Variants in NOL4 observed in about 807,000 individuals in gnomAD.
NOL4 encodes cancer/testis antigen 125.
Under a neutral mutation model 75.9 loss-of-function variants are expected in NOL4, and 17 were observed. That is an observed-to-expected ratio of 0.22 (90% CI 0.15 to 0.34). The LOEUF (loss-of-function observed/expected upper bound fraction) is 0.34, where lower values mean the gene tolerates loss of function less well. Among genes scored for constraint, NOL4 ranks in the 10% least tolerant of loss-of-function variants. The pLI is 1.00. For missense variants in NOL4, 614 were observed against 793.5 expected, an observed-to-expected ratio of 0.77 and a Z score of 2.72; for synonymous variants, 292 against 289.9, an observed-to-expected ratio of 1.01 and a Z score of -0.07.
At chr18:33,903,983 A>C (rs898616489) in intron 9 of NOL4, among the ~76,000 whole-genome samples, 1 of 152,200 alleles carries the variant, frequency 6.6e-6, no homozygotes, top group Non-Finnish European at 1.5e-5. Flanking sequence ...CAAACTCTCC[A>C]AATCAAAGAT....
At chr18:34,220,720 A>G (rs1034284523) in intron 1 of NOL4, among the ~76,000 whole-genome samples, 15 of 152,200 alleles carry the variant, frequency 9.9e-5, no homozygotes, top group Middle Eastern at 3.2e-3. Context: ...AGACGAGTTC[A>G]TAAATTAAAA....
intron 6 of NOL4, among the ~76,000 whole-genome samples, chr18:33,986,090 A>G (rs2072428609): frequency 6.6e-6 from 1 of 152,164 alleles, no homozygotes; most frequent in Admixed American, 6.6e-5. Flanking sequence ...TCAAGGAAGA[A>G]AAGCAAGTGT....
intron 9 of NOL4, among the ~76,000 whole-genome samples, chr18:33,936,396 A>C (rs934332650): frequency 6.2e-5 from 9 of 144,440 alleles, no homozygotes; most frequent in African/African-American, 2.3e-4. Context: ...ATGCTGGTTA[A>C]TTAGCAGTGA....
intron 9 of NOL4, among the ~76,000 whole-genome samples, chr18:33,931,145 C>T (rs1055713961): frequency 1.3e-5 from 2 of 152,084 alleles, no homozygotes; most frequent in African/African-American, 4.8e-5. Context: ...GGACTTTGAG[C>T]CTCAAGTTCA....
intron 10 of NOL4, among the ~76,000 whole-genome samples, chr18:33,863,793 C>G (rs940484118): frequency 1.3e-5 from 2 of 152,236 alleles, no homozygotes; most frequent in East Asian, 3.9e-4. Flanking sequence ...TGTGAGGACT[C>G]CAATCCCAAA....
At chr18:34,046,607 C>CATACAT (rs1555703523) in intron 5 of NOL4, among the ~76,000 whole-genome samples, 2 of 81,658 alleles carry the variant, frequency 2.4e-5, no homozygotes, top group Admixed American at 1.4e-4. Context: ...TTTACTTATA[C>CATACAT]ATATATATAT....
At chr18:34,078,305 G>A (rs997231212) in intron 5 of NOL4, among the ~76,000 whole-genome samples, 11 of 152,152 alleles carry the variant, frequency 7.2e-5, no homozygotes, top group African/African-American at 2.7e-4. Flanking sequence ...TGTCTGAAGT[G>A]AAGTTAATTC....
intron 5 of NOL4, among the ~76,000 whole-genome samples, chr18:34,062,671 A>G (rs898775285): frequency 6.6e-6 from 1 of 152,160 alleles, no homozygotes; most frequent in Non-Finnish European, 1.5e-5. Flanking sequence ...AGAATAACAT[A>G]TTCAATTTTA....
At chr18:34,196,007 A>G (rs1167214333) in intron 1 of NOL4, among the ~76,000 whole-genome samples, 2 of 152,140 alleles carry the variant, frequency 1.3e-5, no homozygotes, top group African/African-American at 4.8e-5. Flanking sequence ...AAATAGCTGT[A>G]CTCATGAATA....
At chr18:34,190,222 A>G (rs2034813873) in intron 1 of NOL4, among the ~76,000 whole-genome samples, 1 of 151,908 alleles carries the variant, frequency 6.6e-6, no homozygotes, top group Non-Finnish European at 1.5e-5. Flanking sequence ...GTGGCAAAAC[A>G]GATTGATTGA....
intron 9 of NOL4, among the ~76,000 whole-genome samples, chr18:33,895,508 A>T (rs1445347219): frequency 6.6e-5 from 10 of 152,124 alleles, no homozygotes; most frequent in African/African-American, 2.2e-4. Flanking sequence ...TATTTTCTGG[A>T]GGTTCAAAAA....
intron 5 of NOL4, among the ~76,000 whole-genome samples, chr18:34,062,163 G>A (rs879288213): frequency 2.0e-5 from 3 of 151,926 alleles, no homozygotes; most frequent in Non-Finnish European, 4.4e-5. Flanking sequence ...TCTGTTCACC[G>A]ACGTAACAAA....
At chr18:33,932,338 AAT>A (rs1296981187) in intron 9 of NOL4, among the ~76,000 whole-genome samples, 1 of 152,056 alleles carries the variant, frequency 6.6e-6, no homozygotes, top group Non-Finnish European at 1.5e-5. Flanking sequence ...TAGGATTAGG[AAT>A]TACTGGCTTT....
At chr18:34,078,140 T>C (rs922844299) in intron 5 of NOL4, among the ~76,000 whole-genome samples, 2 of 152,160 alleles carry the variant, frequency 1.3e-5, no homozygotes, top group Non-Finnish European at 2.9e-5. Flanking sequence ...GATGTCAAGA[T>C]GTTTTAATCA....
chr18:33,873,915 T>C (rs2063812004), intron 10 of NOL4, among the ~76,000 whole-genome samples: 1 of 151,886 alleles, frequency 6.6e-6, no homozygotes, highest in Admixed American at 6.6e-5. Context: ...AGAAACGGTA[T>C]CTTAGGGAAC....
At chr18:34,029,038 T>C (rs2075497188) in intron 5 of NOL4, among the ~76,000 whole-genome samples, 1 of 152,038 alleles carries the variant, frequency 6.6e-6, no homozygotes, top group Non-Finnish European at 1.5e-5. Context: ...TGAGCCAAAT[T>C]CATCAGAGAA....
At chr18:34,163,770 C>G (rs1336346816) in intron 1 of NOL4, among the ~76,000 whole-genome samples, 1 of 152,040 alleles carries the variant, frequency 6.6e-6, no homozygotes, top group Non-Finnish European at 1.5e-5. Context: ...CAAAAAAGAG[C>G]CCGCATCGCC....
chr18:34,211,237 T>G (rs1472032318), intron 1 of NOL4, among the ~76,000 whole-genome samples: 1 of 152,164 alleles, frequency 6.6e-6, no homozygotes, highest in East Asian at 1.9e-4. Flanking sequence ...TCTAAATTAG[T>G]AAGAACAAAC....
intron 5 of NOL4, among the ~76,000 whole-genome samples, chr18:34,031,843 C>T (rs2075654150): frequency 6.6e-6 from 1 of 152,182 alleles, no homozygotes; most frequent in Non-Finnish European, 1.5e-5. Flanking sequence ...ACAGGAAAGC[C>T]TCTTCACCCT....
Sources: gnomAD v4.1 joint callset for allele counts (sites outside exome capture counted in the v4.1 genomes callset) on GRCh38, gnomAD v4.1.1 for gene constraint, MANE v1.5 for transcripts, NCBI Gene and HGNC (gene_info 2026-07-23, HGNC 2026-07-21) for gene names.